Variants in ZNF236 observed in about 807,000 individuals in gnomAD.
ZNF236 encodes the protein zinc finger protein 236.
Under a neutral mutation model 191.2 loss-of-function variants are expected in ZNF236, and 50 were observed. The observed-to-expected ratio is 0.26, with a 90% confidence interval of 0.21 to 0.33. The LOEUF (loss-of-function observed/expected upper bound fraction) is 0.33. Ranked by LOEUF, ZNF236 falls within the 10% of genes least tolerant of loss-of-function variation. ZNF236 has a pLI of 1.00. For missense variants in ZNF236, 1,754 were observed against 2,374.5 expected (o/e 0.74, Z 5.43); for synonymous variants, 907 against 928.8 (o/e 0.98, Z 0.43).
Position 76,968,457 on chromosome 18 carries a change from T to C in ZNF236, c.*118T>C, listed in dbSNP as rs2122991209. The C allele has an allele frequency of 1.4e-6, 2 of 1,480,228 alleles. No individual in the cohort carries two copies. The highest frequency in any genetic ancestry group is 1.8e-6 in the Non-Finnish European group (2 of 1,128,896). 91.7% of individuals were successfully genotyped at this position (1,480,228 alleles called of 1,614,324 possible). ...TTAAAAATGCTACAATAGTTTTTTA[T>C]CTATAAAATTATCTAAAGAATCATT... On this transcript the variant is annotated 3_prime_UTR_variant, in exon 31 of 31. Transcript: ENST00000320610.
At chr18:76,830,192 A>G (rs1323337412) in intron 1 of ZNF236, among the ~76,000 whole-genome samples, 2 of 152,160 alleles carry the variant, frequency 1.3e-5, no homozygotes, top group African/African-American at 4.8e-5. Flanking sequence ...TTTGAACTAA[A>G]TTGAATTTAT....
At chr18:76,946,766 C>T (rs1968272317) in intron 26 of ZNF236, among the ~76,000 whole-genome samples, 2 of 152,220 alleles carry the variant, frequency 1.3e-5, no homozygotes, top group African/African-American at 4.8e-5. Context: ...TAGAGGTGTG[C>T]TGGGCTGGTA....
chr18:76,902,745 A>AT (rs1977633132), intron 11 of ZNF236, among the ~76,000 whole-genome samples: 1 of 147,576 alleles, frequency 6.8e-6, no homozygotes, highest in East Asian at 2.0e-4. Flanking sequence ...TAATTTTTGT[A>AT]TTTTTTGTAT....
rs374741002 is a variant in ZNF236 at position 76,908,549 on chromosome 18, G to C, written c.2527G>C (p.Asp843His). ...AGCAGGGCTGGGCCAGCAGTTGGCA[G>C]ATCAGCCCCTGGAAGCAGATGAAGG... ...EEAGLGQQLA[D>H]QPLEADEDGF... Residue 843 changes from aspartate (D) to histidine (H), a missense_variant, in exon 14 of 31, where the codon GAT (aspartate) becomes CAT (histidine). Asp to His is a moderately conservative substitution (Grantham distance 81, BLOSUM62 -1). Around this residue, in one of 5 missense-constraint regions of ZNF236, gnomAD observed 641 missense variants for 869.6 expected, o/e 0.74. Coordinates refer to ENST00000320610, the MANE Select transcript of ZNF236 (RefSeq NM_001306089.2). 1.2e-6 allele frequency: 2 copies of C among 1,610,318 alleles called. No homozygotes were observed. The highest frequency in any genetic ancestry group is 1.7e-6 in the Non-Finnish European group (2 of 1,178,360).
rs1157882840 is a variant in ZNF236 at position 76,912,341 on chromosome 18, C to T, written c.2903C>T (p.Ser968Phe). Residue 968 changes from serine to phenylalanine, a missense_variant, in exon 17 of 31, where the codon TCT becomes TTT. Ser to Phe is a radical substitution (Grantham distance 155). Coordinates refer to ENST00000320610, the MANE Select transcript of ZNF236 (RefSeq NM_001306089.2). ...GACAACGAGGACCAGAGCAGGCGCT[C>T]TTACAGGTAGTTGTCTGCACAGACC... ...LEDNEDQSRR[S>F]YRCDYCNKGF... 1.2e-6 allele frequency: 2 copies of T among 1,613,618 alleles called. No homozygotes were observed. The highest frequency in any genetic ancestry group is 1.7e-6 in the Non-Finnish European group (2 of 1,179,674).
At chr18:76,929,008 C>T (rs781146409) in intron 25 of ZNF236, among the ~76,000 whole-genome samples, 2 of 148,592 alleles carry the variant, frequency 1.3e-5, no homozygotes, top group African/African-American at 5.0e-5. Flanking sequence ...TCTGATGTGA[C>T]AGAGGGAAGC....
intron 25 of ZNF236, among the ~76,000 whole-genome samples, chr18:76,935,145 A>T (rs1355730378): frequency 6.6e-6 from 1 of 152,216 alleles, no homozygotes; most frequent in Non-Finnish European, 1.5e-5. Flanking sequence ...ACAAATGGAT[A>T]GTTAAGAGCT....
At position 76,895,172 on chromosome 18, in the gene ZNF236, C is replaced by T. The variant is rs759813987; in HGVS notation, c.1577C>T (p.Thr526Met). ...TTCCGCGCCTTCGCCGTGAAGAGCA[C>T]GCTGACAGCGCACATCAAGACGCAC... ...QCFRAFAVKS[T>M]LTAHIKTHTG... Residue 526 changes from threonine to methionine, a missense_variant, in exon 10 of 31, where the codon ACG becomes ATG. By Grantham distance (81) the Thr-to-Met change is moderately conservative. Coordinates refer to ENST00000320610, the MANE Select transcript of ZNF236 (RefSeq NM_001306089.2). The T allele has an allele frequency of 6.2e-7, 1 of 1,606,290 alleles. No individual in the cohort carries two copies. The highest frequency in any genetic ancestry group is 8.5e-7 in the Non-Finnish European group (1 of 1,179,986).
intron 9 of ZNF236, chr18:76,887,408 A>G (rs1181997173): frequency 3.3e-5 from 5 of 151,386 alleles, no homozygotes; most frequent in Admixed American, 1.3e-4. Flanking sequence ...AAAAGATTCT[A>G]CTAGCTCCAT....
chr18:76,900,685 C>A (rs1381710868), intron 11 of ZNF236, among the ~76,000 whole-genome samples: 2 of 151,812 alleles, frequency 1.3e-5, no homozygotes, highest in Non-Finnish European at 2.9e-5. Context: ...CCAAAGCCGT[C>A]CTAGGAAAAA....
At chr18:76,946,012 C>G (rs1453323261) in intron 26 of ZNF236, among the ~76,000 whole-genome samples, 1 of 152,114 alleles carries the variant, frequency 6.6e-6, no homozygotes, top group Non-Finnish European at 1.5e-5. Context: ...AGAAGTGAAC[C>G]TAAAATTCTC....
Position 76,919,252 on chromosome 18 carries a change from T to G in ZNF236, c.3275-524T>G, listed in dbSNP as rs1967467526. Among the ~76,000 whole-genome samples, 3 of 152,214 alleles carry G rather than the reference T, an allele frequency of 2.0e-5. No homozygotes were observed. Among genetic ancestry groups the G allele is most frequent in the Admixed American group, 2.0e-4 (3 of 15,286 alleles). ...GCGTCTTCCTAATGTTGGTCATCAC[T>G]CTCCTAAAGGATGCCCTTCACTTGG... On this transcript the variant is annotated intron_variant, in intron 19 of 30. Transcript: ENST00000320610. The surrounding 1 kb of genome is among the most constrained non-coding windows in gnomAD (Gnocchi z 5.3).
chr18:76,853,385 C>T (rs1297640059), intron 3 of ZNF236, among the ~76,000 whole-genome samples: 3 of 152,088 alleles, frequency 2.0e-5, no homozygotes, highest in Non-Finnish European at 4.4e-5. Context: ...GGCCTGACTT[C>T]ATATTTTCTA....
rs562367755 is a variant in ZNF236, at chr18:76,867,110, C to T, written c.364-1575C>T. ...GGTGTGAGCCAGGGCAGTATCAGTA[C>T]GGAGAGGAGCGGGCTGCGAGGGGTT... On this transcript the variant is annotated intron_variant, in intron 3 of 30. Transcript: ENST00000320610. Among the ~76,000 whole-genome samples, 6 of 152,098 alleles carry T rather than the reference C, an allele frequency of 3.9e-5. No homozygotes were observed. The South Asian group carries it at 6.2e-4, about 16-fold the overall frequency.
At chr18:76,926,671 G>T (rs1182228321) in intron 22 of ZNF236, among the ~76,000 whole-genome samples, 1 of 101,108 alleles carries the variant, frequency 9.9e-6, no homozygotes, top group Non-Finnish European at 2.2e-5. Flanking sequence ...GACTGTGTGT[G>T]TATATATGGT....
At chr18:76,926,514 A>G (rs1444652117) in intron 22 of ZNF236, among the ~76,000 whole-genome samples, 1 of 152,072 alleles carries the variant, frequency 6.6e-6, no homozygotes, top group East Asian at 1.9e-4. Flanking sequence ...CGTATATGGT[A>G]GAAAGTAGGT....
At chr18:76,849,159 C>T in intron 1 of ZNF236, 1 of 164,122 alleles carries the variant, frequency 6.1e-6, no homozygotes, top group Non-Finnish European at 1.3e-5. Context: ...TGAAATGCGT[C>T]AGTGGTTTGT....
intron 3 of ZNF236, among the ~76,000 whole-genome samples, chr18:76,866,423 T>TGG (rs542485322): frequency 8.9e-4 from 136 of 151,990 alleles, no homozygotes; most frequent in African/African-American, 3.0e-3. Flanking sequence ...AGGATGATGA[T>TGG]GGGGGGGATC....
intron 3 of ZNF236, among the ~76,000 whole-genome samples, chr18:76,864,079 G>A (rs1976327050): frequency 6.6e-6 from 1 of 152,150 alleles, no homozygotes; most frequent in South Asian, 2.1e-4. Context: ...TCCCGCAGAC[G>A]GCCTTTGGTT....
Sources: gnomAD v4.1 joint callset for allele counts (sites outside exome capture counted in the v4.1 genomes callset) on GRCh38, gnomAD v4.1.1 for gene constraint, gnomAD v4.1.1 regional missense constraint, Gnocchi (gnomAD v3.1) non-coding constraint, MANE v1.5 for transcripts, NCBI Gene and HGNC (gene_info 2026-07-23, HGNC 2026-07-21) for gene names.